The following SUN1 variants were observed in gnomAD, a reference collection of about 807,000 sequenced individuals.
SUN1 encodes SUN domain-containing protein 1.
Under a neutral mutation model 103.2 loss-of-function variants are expected in SUN1, and 61 were observed. That is an observed-to-expected ratio of 0.59 (90% confidence interval 0.48 to 0.73). SUN1 has a LOEUF of 0.73. SUN1 is among the 30% of genes least tolerant of loss of function. The probability of loss-of-function intolerance (pLI) is 0.00; values close to 1 mark genes in which losing one functional copy is unlikely to be tolerated. For synonymous variants in SUN1, 490 were observed against 425.7 expected (o/e 1.15, Z -1.86); for missense variants, 1,052 against 1,034.6 (o/e 1.02, Z -0.23).
At chr7:839,223 T>A (rs2128274525) in intron 2 of SUN1, 1 of 431,772 alleles carries the variant, frequency 2.3e-6, no homozygotes, top group East Asian at 3.6e-5. Context: ...TGTTCTTGTT[T>A]CAAGTTCTCT....
chr7:872,597 G>C, intron 18 of SUN1, 35 bp downstream of exon 18: 2 of 1,524,354 alleles, frequency 1.3e-6, no homozygotes, highest in Non-Finnish European at 8.9e-7. Context: ...TGGGGTCTCT[G>C]AGTCCCACAA....
chr7:863,263 C>A (rs1372615205), intron 15 of SUN1, among the ~76,000 whole-genome samples: 1 of 151,346 alleles, frequency 6.6e-6, no homozygotes, highest in African/African-American at 2.4e-5. Flanking sequence ...TTCACCAGCG[C>A]CAGGGCCCCT....
intron 5 of SUN1, among the ~76,000 whole-genome samples, chr7:846,253 C>T (rs112549496): frequency 0.16 from 23,801 of 151,784 alleles, 2,002 homozygotes; most frequent in South Asian, 0.24. Context: ...GGACTACAGG[C>T]GCCCACTACC....
upstream of SUN1, chr7:816,538 C>T: frequency 8.5e-6 from 3 of 354,762 alleles, no homozygotes; most frequent in Non-Finnish European, 1.6e-5. Context: ...CTTCGGGTGG[C>T]GCGCTCGGGA....
intron 17 of SUN1, among the ~76,000 whole-genome samples, 157 bp from the exon 18 acceptor site, chr7:872,313 G>A (rs969120125): frequency 6.6e-6 from 1 of 152,178 alleles, no homozygotes; most frequent in Admixed American, 6.5e-5. Flanking sequence ...CTTCCTTCCA[G>A]GGAAGGCCTC....
At chr7:855,821 GCCT>G (rs1826679395) in intron 11 of SUN1, among the ~76,000 whole-genome samples, 1 of 151,924 alleles carries the variant, frequency 6.6e-6, no homozygotes, top group Non-Finnish European at 1.5e-5. Context: ...TCTGCGGGGC[GCCT>G]CCTCCTCTGT....
intron 5 of SUN1, among the ~76,000 whole-genome samples, chr7:849,327 CT>C (rs1285786830): frequency 6.6e-6 from 1 of 152,236 alleles, no homozygotes; most frequent in Non-Finnish European, 1.5e-5. Context: ...GGTGGGGGCC[CT>C]TTCACGTCTC....
chr7:825,524 G>A (rs1790902747), intron 1 of SUN1, among the ~76,000 whole-genome samples: 1 of 152,208 alleles, frequency 6.6e-6, no homozygotes, highest in African/African-American at 2.4e-5. Flanking sequence ...TCACTTGTGT[G>A]TATGCGTGTA....
chr7:830,956 C>G (rs1419093605), upstream of SUN1: 4 of 985,518 alleles, frequency 4.1e-6, no homozygotes, highest in Non-Finnish European at 3.6e-6. Flanking sequence ...CCTCAGGAGC[C>G]CAGGCATGGT....
At chr7:827,563 G>A (rs1352839720), upstream of SUN1, among the ~76,000 whole-genome samples, 1 of 146,600 alleles carries the variant, frequency 6.8e-6, no homozygotes, top group Non-Finnish European at 1.5e-5. Flanking sequence ...TCCACCTCCC[G>A]GGTTCACGCC....
chr7:831,548 G>T (rs1798015352), upstream of SUN1, among the ~76,000 whole-genome samples: 1 of 152,188 alleles, frequency 6.6e-6, no homozygotes, highest in East Asian at 1.9e-4. Flanking sequence ...GGGATTCCAG[G>T]CGTGAGCCAC....
intron 8 of SUN1, 25 bp from the exon 9 acceptor site, chr7:852,785 G>T (rs752157135): frequency 1.9e-6 from 3 of 1,611,476 alleles, no homozygotes; most frequent in South Asian, 1.1e-5. Context: ...GTACCTGTGT[G>T]TGTGTGGTGG....
exon 1 of SUN1, chr7:816,630 G>T (rs1162469411): frequency 5.5e-6 from 2 of 366,396 alleles, no homozygotes; most frequent in Non-Finnish European, 1.1e-5. Context: ...GTCTTCTCGG[G>T]CCTGGGCGGC....
At chr7:825,825 T>G in intron 1 of SUN1, among the ~76,000 whole-genome samples, 1 of 152,334 alleles carries the variant, frequency 6.6e-6, no homozygotes, top group African/African-American at 2.4e-5. Context: ...AATGTTTTTA[T>G]TAGTCTCTAC....
At chr7:830,615 G>T (rs1217204242), upstream of SUN1, among the ~76,000 whole-genome samples, 1 of 152,174 alleles carries the variant, frequency 6.6e-6, no homozygotes, top group African/African-American at 2.4e-5. Flanking sequence ...TGAACCTGGA[G>T]TGTGACCTCT....
At chr7:860,443 C>T in intron 14 of SUN1, 61 bp downstream of exon 14, 1 of 1,586,438 alleles carries the variant, frequency 6.3e-7, no homozygotes, top group South Asian at 1.1e-5. Flanking sequence ...AGACTGAAGA[C>T]CTAGCTGTGA....
chr7:857,700 C>A, intron 12 of SUN1, 128 bp from the exon 13 acceptor site: 4 of 1,213,466 alleles, frequency 3.3e-6, no homozygotes, highest in Non-Finnish European at 3.3e-6. Context: ...GTTAGTGTGG[C>A]ACAGGATGAC....
At chr7:833,097 G>A (rs1388595773) in intron 1 of SUN1, 5 of 154,134 alleles carry the variant, frequency 3.2e-5, no homozygotes, top group African/African-American at 1.2e-4. Context: ...GTCTGAAGAG[G>A]CGCTGCCCTG....
At chr7:827,736 G>A (rs201517737), upstream of SUN1, among the ~76,000 whole-genome samples, 1 of 152,056 alleles carries the variant, frequency 6.6e-6, no homozygotes, top group East Asian at 1.9e-4. Flanking sequence ...AAAGTACTGG[G>A]ATTACAGGCG....
Sources: allele counts gnomAD v4.1 joint callset (sites outside exome capture counted in the v4.1 genomes callset), GRCh38; gene constraint gnomAD v4.1.1; transcripts MANE v1.5; gene names NCBI Gene and HGNC (gene_info 2026-07-23, HGNC 2026-07-21).